Variants in CTNNA3 observed in about 807,000 individuals in gnomAD.
CTNNA3 encodes the protein catenin alpha 3.
In CTNNA3, 76 loss-of-function variants were observed where a neutral mutation model predicts 95.7. The ratio of observed to expected loss-of-function variants is 0.79; its 90% CI spans 0.66 to 0.96. CTNNA3 has a LOEUF of 0.96. Ranked by LOEUF, CTNNA3 falls within the 40% of genes least tolerant of loss-of-function variation. The pLI, the probability that CTNNA3 is intolerant of heterozygous loss-of-function variation, is 0.00. For missense variants in CTNNA3, 1,191 were observed against 1,089.8 expected (o/e 1.09, Z -1.31); for synonymous variants, 431 against 374.4 (o/e 1.15, Z -1.74).
intron 13 of CTNNA3, among the ~76,000 whole-genome samples, chr10:66,163,091 G>C (rs745807612): frequency 6.6e-6 from 1 of 152,150 alleles, no homozygotes; most frequent in Non-Finnish European, 1.5e-5. Flanking sequence ...CTGTTTCCAG[G>C]TGAAGGGCGA....
chr10:66,972,700 ATTTTTTTTTTTT>A (rs56664927), intron 7 of CTNNA3, among the ~76,000 whole-genome samples: 2 of 108,656 alleles, frequency 1.8e-5, no homozygotes, highest in Admixed American at 1.1e-4. Context: ...TGTCAAATAG[ATTTTTTTTTTTT>A]TTTTTTTTTT....
intron 7 of CTNNA3, among the ~76,000 whole-genome samples, chr10:66,941,625 C>T (rs1017627775): frequency 6.6e-6 from 1 of 152,084 alleles, no homozygotes; most frequent in South Asian, 2.1e-4. Flanking sequence ...CTGCAGAACA[C>T]GATATCAGTC....
chr10:66,931,529 C>G (rs1264850901), intron 7 of CTNNA3, among the ~76,000 whole-genome samples: 1 of 152,152 alleles, frequency 6.6e-6, no homozygotes, highest in Non-Finnish European at 1.5e-5. Flanking sequence ...AGTAAATTGT[C>G]TTTCTATGGA....
At chr10:67,352,529 A>G (rs554035371) in intron 5 of CTNNA3, among the ~76,000 whole-genome samples, 105 of 148,188 alleles carry the variant, frequency 7.1e-4, no homozygotes, top group Non-Finnish European at 1.3e-3. Context: ...GCAAAAGAAT[A>G]AAAAAAAAAG....
chr10:67,432,333 T>C (rs1846134128), intron 5 of CTNNA3, among the ~76,000 whole-genome samples: 2 of 152,064 alleles, frequency 1.3e-5, no homozygotes, highest in Admixed American at 6.6e-5. Context: ...CCTATGTTTC[T>C]ATTAGTTTCC....
intron 13 of CTNNA3, among the ~76,000 whole-genome samples, chr10:66,154,767 T>C (rs2084401838): frequency 7.6e-6 from 1 of 132,306 alleles, no homozygotes; most frequent in African/African-American, 2.8e-5. Flanking sequence ...TATATGAAGC[T>C]CAATATTAGG....
intron 1 of CTNNA3, among the ~76,000 whole-genome samples, chr10:67,711,745 C>T (rs1276806540): frequency 1.5e-5 from 2 of 133,240 alleles, no homozygotes; most frequent in Non-Finnish European, 3.2e-5. Flanking sequence ...CCCCCCACCC[C>T]ACAACTGTCC....
At chr10:67,069,849 A>C (rs1856336842) in intron 7 of CTNNA3, among the ~76,000 whole-genome samples, 1 of 152,112 alleles carries the variant, frequency 6.6e-6, no homozygotes. Flanking sequence ...CTGTTTTGGC[A>C]CTATTACAAA....
chr10:66,055,547 T>G (rs1806278372), intron 15 of CTNNA3, among the ~76,000 whole-genome samples: 1 of 152,204 alleles, frequency 6.6e-6, no homozygotes, highest in East Asian at 1.9e-4. Flanking sequence ...ATGCTACTGG[T>G]TTTTATACAT....
intron 15 of CTNNA3, 30 bp from the exon 16 acceptor site, chr10:65,988,827 G>A: frequency 6.6e-7 from 1 of 1,510,728 alleles, no homozygotes; most frequent in South Asian, 1.1e-5. Flanking sequence ...TGTTAGCTGT[G>A]GTGTTCATGA....
At chr10:67,490,798 G>A (rs1184553291) in intron 5 of CTNNA3, among the ~76,000 whole-genome samples, 1 of 151,988 alleles carries the variant, frequency 6.6e-6, no homozygotes, top group Non-Finnish European at 1.5e-5. Flanking sequence ...CCTTGGGAGA[G>A]AGAAGGGTAA....
At chr10:67,502,188 C>T (rs1168918874) in intron 5 of CTNNA3, among the ~76,000 whole-genome samples, 1 of 152,080 alleles carries the variant, frequency 6.6e-6, no homozygotes, top group African/African-American at 2.4e-5. Flanking sequence ...TGATGCTATT[C>T]CTTTCTGTTT....
At chr10:67,754,049 G>T (rs1380342124) in intron 1 of CTNNA3, among the ~76,000 whole-genome samples, 4 of 152,152 alleles carry the variant, frequency 2.6e-5, no homozygotes, top group African/African-American at 7.2e-5. Flanking sequence ...CAATAGCAAA[G>T]ACATGGAATC....
chr10:67,461,161 C>T (rs1275664605), intron 5 of CTNNA3, among the ~76,000 whole-genome samples: 2 of 152,146 alleles, frequency 1.3e-5, no homozygotes, highest in East Asian at 1.9e-4. Flanking sequence ...CTTTCCTGAA[C>T]ATTTGGCTTG....
At chr10:65,932,198 T>A (rs1044868034) in intron 17 of CTNNA3, among the ~76,000 whole-genome samples, 1 of 152,140 alleles carries the variant, frequency 6.6e-6, no homozygotes, top group African/African-American at 2.4e-5. Flanking sequence ...ACCAACGACA[T>A]CTACCTTATA....
chr10:67,115,879 G>A (rs1006568051), intron 7 of CTNNA3, among the ~76,000 whole-genome samples: 1 of 151,744 alleles, frequency 6.6e-6, no homozygotes, highest in African/African-American at 2.4e-5. Context: ...TATTTAAATA[G>A]ACACCTCTAA....
rs1422771680 is a variant in CTNNA3 at position 67,236,229 on chromosome 10, T to C, written c.580-16359A>G. 3.1e-4 allele frequency among the ~76,000 whole-genome samples: 46 copies of C among 148,764 alleles called. No homozygotes were observed. In the South Asian group the frequency reaches 6.7e-3, roughly 22 times the overall value. ...ATGCACAGGTATGTTTATTGCGGCATTATTCACAATAGCAAAGACTTGGAA... is the reference window on the plus strand; with the variant it reads ...ATGCACAGGTATGTTTATTGCGGCACTATTCACAATAGCAAAGACTTGGAA... On this transcript the variant is annotated intron_variant, in intron 5 of 17. Coordinates refer to ENST00000433211, the MANE Select transcript of CTNNA3 (RefSeq NM_013266.4).
chr10:66,370,892 A>G (rs949122579), intron 12 of CTNNA3, among the ~76,000 whole-genome samples: 2 of 151,498 alleles, frequency 1.3e-5, no homozygotes, highest in African/African-American at 4.9e-5. Context: ...TTTAATTACT[A>G]TTTTCTTCTT....
intron 5 of CTNNA3, among the ~76,000 whole-genome samples, chr10:67,266,399 G>C (rs550110199): frequency 1.3e-5 from 2 of 152,200 alleles, no homozygotes; most frequent in Admixed American, 6.5e-5. Flanking sequence ...AAATGTGTTT[G>C]AATGTGATGT....
Sources: allele counts gnomAD v4.1 joint callset (sites outside exome capture counted in the v4.1 genomes callset), GRCh38; gene constraint gnomAD v4.1.1; transcripts MANE v1.5; gene names NCBI Gene and HGNC (gene_info 2026-07-23, HGNC 2026-07-21).